Variants in PAX5 observed in about 807,000 individuals in gnomAD.
PAX5 encodes the protein paired box 5, also known as paired box protein Pax-5.
PAX5 carries 9 observed loss-of-function variants against 43.7 expected under a neutral mutation model. That is an observed-to-expected ratio of 0.21 (90% CI 0.12 to 0.36). PAX5 has a LOEUF of 0.36. Ranked by LOEUF, PAX5 falls within the 10% of genes least tolerant of loss-of-function variation. The pLI is 1.00. For missense variants in PAX5, 383 were observed against 532.7 expected (o/e 0.72, Z 2.77); for synonymous variants, 228 against 214.3 (o/e 1.06, Z -0.56).
At chr9:36,986,430 T>C (rs1432484016) in intron 5 of PAX5, among the ~76,000 whole-genome samples, 2 of 151,596 alleles carry the variant, frequency 1.3e-5, no homozygotes, top group Non-Finnish European at 2.9e-5. Context: ...CTTAGACTGA[T>C]TGGCTTCCTG....
rs544212345 is a variant in PAX5, at chr9:36,958,997, G to A, written c.780+7552C>T. Among the ~76,000 whole-genome samples, 3 of 152,324 alleles carry A rather than the reference G, an allele frequency of 2.0e-5. No individual in the cohort carries two copies. In the South Asian group the frequency reaches 6.2e-4, roughly 32 times the overall value. ...TGCTCCCTGCACTAGAGGAGCTGGA[G>A]TCATCCAATGGCCTCCCAAGACCCT... On this transcript the variant is annotated intron_variant, in intron 6 of 9. Coordinates refer to ENST00000358127, the MANE Select transcript of PAX5 (RefSeq NM_016734.3).
intron 4 of PAX5, chr9:37,002,978 C>A (rs1838041459): frequency 3.5e-6 from 2 of 568,882 alleles, no homozygotes; most frequent in Non-Finnish European, 6.1e-6. Context: ...CAGTTCTCTG[C>A]GATGGGGGGA....
At chr9:36,848,018 G>A (rs1170619346) in intron 8 of PAX5, among the ~76,000 whole-genome samples, 1 of 152,176 alleles carries the variant, frequency 6.6e-6, no homozygotes, top group African/African-American at 2.4e-5. Flanking sequence ...TGGAAAGCTG[G>A]CTGCTGCTGG....
rs1839325398 is a variant in PAX5, at chr9:37,015,708, T to C, written c.213-514A>G. On this transcript the variant is annotated intron_variant, in intron 2 of 9. Transcript: ENST00000358127. This position sits in a 1 kb window ranked among gnomAD's most constrained non-coding sequence, Gnocchi z 4.4. ...GATTCTCCTGCCTCAGCCTCCCGAG[T>C]AGCTGGGATTACAGGCATGTGCCAC... 6.6e-6 allele frequency among the ~76,000 whole-genome samples: 1 copy of C among 152,014 alleles called. No homozygotes were observed. The highest frequency in any genetic ancestry group is 2.4e-5 in the African/African-American group (1 of 41,384).
chr9:36,844,354 C>T, intron 9 of PAX5, among the ~76,000 whole-genome samples: 1 of 152,210 alleles, frequency 6.6e-6, no homozygotes, highest in East Asian at 1.9e-4. Context: ...CCTTCTGCCA[C>T]CTGAATGCTG....
chr9:36,866,639 C>A (rs571880670), intron 8 of PAX5, among the ~76,000 whole-genome samples: 1 of 152,034 alleles, frequency 6.6e-6, no homozygotes, highest in African/African-American at 2.4e-5. Context: ...GGACAGGAGA[C>A]AAAATAGCTT....
chr9:36,930,846 G>T (rs562520751), intron 6 of PAX5: 2 of 1,306,766 alleles, frequency 1.5e-6, no homozygotes, highest in African/African-American at 3.0e-5. Context: ...CGTGCCCCAG[G>T]AGAGTGTGCA....
At chr9:36,939,113 A>G (rs1563988782) in intron 6 of PAX5, among the ~76,000 whole-genome samples, 1 of 152,350 alleles carries the variant, frequency 6.6e-6, no homozygotes, top group East Asian at 1.9e-4. Context: ...CAGCGGGAGT[A>G]TGTACATTCT....
intron 6 of PAX5, among the ~76,000 whole-genome samples, chr9:36,933,793 T>C (rs1173979258): frequency 1.3e-5 from 2 of 152,132 alleles, no homozygotes; most frequent in Admixed American, 6.5e-5. Flanking sequence ...ATGGATCAGA[T>C]GGGGTGGCAA....
chr9:36,981,923 A>G (rs1835977918), intron 5 of PAX5, among the ~76,000 whole-genome samples: 1 of 152,268 alleles, frequency 6.6e-6, no homozygotes, highest in South Asian at 2.1e-4. Flanking sequence ...CTAAGAGTCA[A>G]TAAGGACTGA....
intron 9 of PAX5, among the ~76,000 whole-genome samples, chr9:36,843,079 CCTGTGTGT>C (rs1822219248): frequency 6.7e-6 from 1 of 149,628 alleles, no homozygotes; most frequent in South Asian, 2.1e-4. Flanking sequence ...CGTGTGTGTG[CCTGTGTGT>C]GTGTGCGTGT....
chr9:36,951,801 A>G (rs1443770418), intron 6 of PAX5, among the ~76,000 whole-genome samples: 2 of 152,140 alleles, frequency 1.3e-5, no homozygotes, highest in Non-Finnish European at 2.9e-5. Context: ...TAAGTATTCT[A>G]AATATTTCTT....
At chr9:36,863,880 G>A (rs533932451) in intron 8 of PAX5, among the ~76,000 whole-genome samples, 2 of 152,352 alleles carry the variant, frequency 1.3e-5, no homozygotes, top group South Asian at 2.1e-4. Flanking sequence ...GGAGGCTAAG[G>A]TGGGCGGATC....
At chr9:37,010,531 T>G (rs1838833720) in intron 3 of PAX5, among the ~76,000 whole-genome samples, 1 of 152,178 alleles carries the variant, frequency 6.6e-6, no homozygotes, top group Non-Finnish European at 1.5e-5. Context: ...GGTTTAAAAC[T>G]CTGAGGGACT....
At chr9:36,866,656 T>A (rs1251104359) in intron 8 of PAX5, among the ~76,000 whole-genome samples, 2 of 152,114 alleles carry the variant, frequency 1.3e-5, no homozygotes, top group Non-Finnish European at 2.9e-5. Flanking sequence ...GCTTCTTTTT[T>A]ATTGCTTCGG....
intron 6 of PAX5, among the ~76,000 whole-genome samples, chr9:36,954,993 T>C (rs1588072665): frequency 6.6e-6 from 1 of 152,192 alleles, no homozygotes; most frequent in Non-Finnish European, 1.5e-5. Context: ...CTATGTCTTA[T>C]CTGGTATTTA....
At chr9:36,997,403 G>GT (rs1351616880) in intron 5 of PAX5, among the ~76,000 whole-genome samples, 2 of 152,220 alleles carry the variant, frequency 1.3e-5, no homozygotes, top group African/African-American at 4.8e-5. Context: ...TCAGGGCCCT[G>GT]TGAGTTATTG....
At chr9:37,026,167 C>T (rs2132534469) in intron 1 of PAX5, among the ~76,000 whole-genome samples, 2 of 152,384 alleles carry the variant, frequency 1.3e-5, no homozygotes, top group Non-Finnish European at 1.5e-5. Flanking sequence ...GTGTGGGGCG[C>T]TGTCTGAGAC....
intron 7 of PAX5, among the ~76,000 whole-genome samples, chr9:36,904,294 A>G (rs911194903): frequency 6.6e-6 from 1 of 152,078 alleles, no homozygotes; most frequent in African/African-American, 2.4e-5. Context: ...CTAGTCCCCT[A>G]TCCTACACAC....
Sources: gnomAD v4.1 joint callset for allele counts (sites outside exome capture counted in the v4.1 genomes callset) on GRCh38, gnomAD v4.1.1 for gene constraint, Gnocchi (gnomAD v3.1) non-coding constraint, MANE v1.5 for transcripts, NCBI Gene and HGNC (gene_info 2026-07-23, HGNC 2026-07-21) for gene names.